Variants in SH3PXD2A observed in about 807,000 individuals in gnomAD.
SH3PXD2A encodes the protein SH3 and PX domain-containing protein 2A.
SH3PXD2A carries 32 observed loss-of-function variants against 115.2 expected under a neutral mutation model. The observed-to-expected ratio is 0.28, with a 90% confidence interval of 0.21 to 0.37. SH3PXD2A has a LOEUF of 0.37. Among genes scored for constraint, SH3PXD2A ranks in the 10% least tolerant of loss-of-function variants. SH3PXD2A has a pLI of 1.00. For missense variants in SH3PXD2A, 1,328 were observed against 1,498.7 expected (o/e 0.89, Z 1.88); for synonymous variants, 610 against 629.1 (o/e 0.97, Z 0.45).
chr10:103,686,320 A>G (rs2037677387), intron 6 of SH3PXD2A, among the ~76,000 whole-genome samples: 1 of 152,206 alleles, frequency 6.6e-6, no homozygotes, highest in African/African-American at 2.4e-5. Flanking sequence ...CAGGGCCCTG[A>G]CAATCCCGAG....
intron 1 of SH3PXD2A, among the ~76,000 whole-genome samples, chr10:103,819,149 C>T (rs921809532): frequency 9.2e-5 from 14 of 152,218 alleles, no homozygotes; most frequent in African/African-American, 3.1e-4. Context: ...CTGTGCTAGA[C>T]ACTGGCAACA....
At chr10:103,715,261 G>A (rs1000713678) in intron 5 of SH3PXD2A, among the ~76,000 whole-genome samples, 4 of 152,202 alleles carry the variant, frequency 2.6e-5, no homozygotes, top group Admixed American at 6.5e-5. Flanking sequence ...CATGTACCAC[G>A]GGGGCCTTGC....
intron 6 of SH3PXD2A, among the ~76,000 whole-genome samples, chr10:103,686,047 C>T (rs1452961374): frequency 6.6e-6 from 1 of 152,220 alleles, no homozygotes; most frequent in Non-Finnish European, 1.5e-5. Flanking sequence ...TGCTTCTCTG[C>T]AGTGAAACTA....
At chr10:103,683,370 C>T (rs1416676951) in intron 6 of SH3PXD2A, among the ~76,000 whole-genome samples, 1 of 152,014 alleles carries the variant, frequency 6.6e-6, no homozygotes, top group Non-Finnish European at 1.5e-5. Flanking sequence ...AAAAATTAGC[C>T]AGGCATGGTG....
At chr10:103,662,386 CTTTTT>C (rs571936334) in intron 7 of SH3PXD2A, among the ~76,000 whole-genome samples, 1 of 39,714 alleles carries the variant, frequency 2.5e-5, no homozygotes, top group African/African-American at 1.2e-4. Flanking sequence ...ATATGATGTG[CTTTTT>C]TTTTTTTTTT....
intron 5 of SH3PXD2A, among the ~76,000 whole-genome samples, chr10:103,716,607 T>C (rs2038107806): frequency 6.6e-6 from 1 of 152,144 alleles, no homozygotes; most frequent in Non-Finnish European, 1.5e-5. Flanking sequence ...GTCTACCCAC[T>C]GTGTGGGCCC....
At chr10:103,755,758 GAGA>G (rs1322029485) in intron 3 of SH3PXD2A, among the ~76,000 whole-genome samples, 1 of 152,194 alleles carries the variant, frequency 6.6e-6, no homozygotes, top group Non-Finnish European at 1.5e-5. Context: ...CCTACCCGCT[GAGA>G]AGTTCTTCCT....
At chr10:103,773,301 C>T (rs2038847913) in intron 2 of SH3PXD2A, among the ~76,000 whole-genome samples, 1 of 151,562 alleles carries the variant, frequency 6.6e-6, no homozygotes, top group South Asian at 2.1e-4. Flanking sequence ...TTGCGGGAAA[C>T]CTCAGAATTC....
intron 5 of SH3PXD2A, among the ~76,000 whole-genome samples, chr10:103,716,276 G>A (rs1402108694): frequency 6.6e-6 from 1 of 152,222 alleles, no homozygotes; most frequent in Non-Finnish European, 1.5e-5. Flanking sequence ...CCCCGCAGGA[G>A]GCAGGGACAC....
intron 1 of SH3PXD2A, among the ~76,000 whole-genome samples, chr10:103,824,234 T>C (rs1251557792): frequency 6.6e-6 from 1 of 152,142 alleles, no homozygotes; most frequent in East Asian, 1.9e-4. Context: ...CTTGGAGCTT[T>C]GATTTCCTCG....
chr10:103,670,399 G>A (rs1048846125), intron 6 of SH3PXD2A, among the ~76,000 whole-genome samples: 1 of 152,212 alleles, frequency 6.6e-6, no homozygotes, highest in East Asian at 1.9e-4. Context: ...ATAGTGCCCA[G>A]TGCAGTGCCT....
At chr10:103,798,813 C>T (rs528711505) in intron 2 of SH3PXD2A, among the ~76,000 whole-genome samples, 61 of 152,304 alleles carry the variant, frequency 4.0e-4, no homozygotes, top group African/African-American at 8.9e-4. Context: ...CTGAATACGC[C>T]GGCAGGGACT....
Position 103,612,925 on chromosome 10 carries a change from C to A in SH3PXD2A, c.1186G>T (p.Asp396Tyr), listed in dbSNP as rs1264530315. The change falls in exon 12 of 15, where the codon GAC becomes TAC. Residue 396 changes from aspartate (D) to tyrosine (Y), a missense_variant. Asp to Tyr is a radical substitution (Grantham distance 160, BLOSUM62 -3). Transcript: ENST00000369774. ...ASNGSAVGVP[D>Y]RTVSRLAQGS... is the part of the protein sequence containing the mutation. Reference sequence around the variant, plus strand: ...TGGGCCAGCCTGGAGACAGTCCTGTCAGGAACGCCCACGGCACTGCCATTG... The same window carrying A: ...TGGGCCAGCCTGGAGACAGTCCTGTAAGGAACGCCCACGGCACTGCCATTG... 6.2e-7 allele frequency: 1 copy of A among 1,613,190 alleles called. No homozygotes were observed. Among genetic ancestry groups the A allele is most frequent in the Non-Finnish European group, 8.5e-7 (1 of 1,179,530 alleles).
chr10:103,695,945 C>T (rs563720569), intron 5 of SH3PXD2A, among the ~76,000 whole-genome samples: 1 of 152,262 alleles, frequency 6.6e-6, no homozygotes, highest in South Asian at 2.1e-4. Context: ...TTAGAGAAGC[C>T]GGACAACTTC....
Position 103,798,879 on chromosome 10 carries a change from A to T in SH3PXD2A, c.153+2403T>A, listed in dbSNP as rs1398124593. 2.0e-5 allele frequency among the ~76,000 whole-genome samples: 3 copies of T among 152,154 alleles called. No homozygotes were observed. In the East Asian group the frequency reaches 5.8e-4, roughly 29 times the overall value. On this transcript the variant is annotated intron_variant, in intron 2 of 14. Coordinates refer to ENST00000369774, the MANE Select transcript of SH3PXD2A (RefSeq NM_001394015.1). ...CAAGTGAGGGAAGCCACAAAGCAAC[A>T]TCAGTGAGTGGGTCTCCAGCCCCTA... is the stretch of plus-strand genomic sequence containing the variant.
intron 1 of SH3PXD2A, among the ~76,000 whole-genome samples, chr10:103,832,594 T>C (rs896075107): frequency 3.1e-4 from 47 of 152,162 alleles, no homozygotes; most frequent in Non-Finnish European, 6.3e-4. Flanking sequence ...TGAGTTCATG[T>C]CCTTTGTAGG....
chr10:103,682,074 T>C (rs1342401264), intron 6 of SH3PXD2A, among the ~76,000 whole-genome samples: 1 of 152,226 alleles, frequency 6.6e-6, no homozygotes, highest in East Asian at 1.9e-4. Flanking sequence ...CCTATTTTCC[T>C]AGCAGGAGAA....
At chr10:103,768,848 TG>T (rs936596692) in intron 2 of SH3PXD2A, among the ~76,000 whole-genome samples, 8 of 152,278 alleles carry the variant, frequency 5.3e-5, no homozygotes, top group African/African-American at 1.7e-4. Flanking sequence ...ACTAGGCATG[TG>T]GTGAAGCCTC....
In SH3PXD2A at chr10:103,602,110, A is replaced by C. The variant is rs747155255; in HGVS notation, c.3108T>G (p.Ala1036=). Residue 1036 remains alanine (A), a synonymous_variant, in exon 15 of 15, where the codon GCT becomes GCG. Transcript: ENST00000369774. ...GGGGTGAGTCTGAACCCTGGCTGGC[A>C]GCCCGTTCGGCCAGGCGGCCCTTGG... ...AEAKGRLAER[A]ASQGSDSPLL... 1 of 1,589,436 alleles carries C rather than the reference A, an allele frequency of 6.3e-7. No individual in the cohort carries two copies. Among genetic ancestry groups the C allele is most frequent in the Admixed American group, 1.7e-5 (1 of 58,362 alleles).
Sources: gnomAD v4.1 joint callset for allele counts (sites outside exome capture counted in the v4.1 genomes callset) on GRCh38, gnomAD v4.1.1 for gene constraint, MANE v1.5 for transcripts, NCBI Gene and HGNC (gene_info 2026-07-23, HGNC 2026-07-21) for gene names.